Variants in FXYD3 observed in about 807,000 individuals in gnomAD.
FXYD3 encodes FXYD domain containing ion transport regulator 3.
In FXYD3, 13 loss-of-function variants were observed where a neutral mutation model predicts 19.2. The observed-to-expected ratio is 0.68, with a 90% CI of 0.44 to 1.08. FXYD3 has a LOEUF of 1.08. Among genes scored for constraint, FXYD3 ranks in the 50% least tolerant of loss-of-function variants. The pLI, the probability that FXYD3 is intolerant of heterozygous loss-of-function variation, is 0.00. For missense variants in FXYD3, 101 were observed against 109.4 expected, an observed-to-expected ratio of 0.92 and a Z score of 0.34; for synonymous variants, 48 against 38.9, an observed-to-expected ratio of 1.23 and a Z score of -0.87.
chr19:35,119,183 A>T (rs1272164770), intron 2 of FXYD3, 180 bp from the exon 3 acceptor site: 1 of 1,559,212 alleles, frequency 6.4e-7, no homozygotes, highest in Admixed American at 1.9e-5. Context: ...AGTTTCACCC[A>T]GTCCCCACTC....
At chr19:35,119,155 C>T (rs1467351925) in intron 2 of FXYD3, 3 of 1,546,168 alleles carry the variant, frequency 1.9e-6, no homozygotes, top group South Asian at 2.4e-5. Flanking sequence ...TATTATGGCT[C>T]CTCCCGCCTC....
chr19:35,123,237 G>A, intron 7 of FXYD3, 34 bp from the exon 8 acceptor site: 3 of 1,561,156 alleles, frequency 1.9e-6, no homozygotes, highest in Non-Finnish European at 1.7e-6. Flanking sequence ...GCAAATGGGG[G>A]CGGACACCAA....
intron 3 of FXYD3, among the ~76,000 whole-genome samples, 155 bp from the exon 4 acceptor site, chr19:35,120,923 T>C (rs921626271): frequency 4.6e-5 from 7 of 152,226 alleles, no homozygotes; most frequent in Non-Finnish European, 1.0e-4. Flanking sequence ...CATTTCCTCG[T>C]TGGGATATGA....
intron 3 of FXYD3, chr19:35,119,744 C>T: frequency 2.5e-6 from 1 of 401,218 alleles, no homozygotes; most frequent in Non-Finnish European, 4.6e-6. Context: ...AATCACAGTT[C>T]ACTACAGCCT....
At chr19:35,116,681 G>A in intron 2 of FXYD3, 5 of 985,280 alleles carry the variant, frequency 5.1e-6, no homozygotes, top group Non-Finnish European at 6.0e-6. Context: ...AGGAGAGGGG[G>A]TGCCTGGGTA....
Position 35,121,402 on chromosome 19 carries a change from G to A in FXYD3, c.97+157G>A, listed in dbSNP as rs1299028749. On this transcript the variant is annotated intron_variant, in intron 5 of 8. Transcript: ENST00000604404. ...TGAATATGCCACACAGTGGATTAAA[G>A]GAACTAGAGGCAGCAACCTGGCCTT... The A allele has an allele frequency of 1.0e-5, 16 of 1,569,112 alleles. No individual in the cohort carries two copies. In the East Asian group the frequency reaches 3.2e-4, roughly 32 times the overall value.
At chr19:35,119,215 C>G (rs1391612670) in intron 2 of FXYD3, 148 bp from the exon 3 acceptor site, 40 of 1,593,446 alleles carry the variant, frequency 2.5e-5, no homozygotes, top group Non-Finnish European at 3.3e-5. Flanking sequence ...TGCGGCTTAT[C>G]TCTCAGCCCA....
chr19:35,116,378 T>G lies in FXYD3; in HGVS notation c.-15+19T>G. 1 of 985,506 alleles carries G rather than the reference T, an allele frequency of 1.0e-6. No individual in the cohort carries two copies. Among genetic ancestry groups the G allele is most frequent in the Non-Finnish European group, 1.2e-6 (1 of 829,982 alleles). The allele number at this position is 985,506 out of a possible 1,614,324, so 61.0% of individuals were successfully genotyped here. A position where few individuals can be genotyped will look rare whatever the true frequency, so the allele number is the denominator to read the frequency against. On this transcript the variant is annotated intron_variant, in intron 2 of 8. Coordinates refer to ENST00000604404, the MANE Select transcript of FXYD3 (RefSeq NM_005971.4). ...CACACAGGTGAGCAGCTGGGGCCCC[T>G]TCCTCCAAGCCCTCCTTGTCTCTGC... is the stretch of plus-strand genomic sequence containing the variant.
intron 3 of FXYD3, 28 bp downstream of exon 3, chr19:35,119,444 T>G (rs1329875623): frequency 4.4e-6 from 7 of 1,605,616 alleles, no homozygotes; most frequent in Non-Finnish European, 5.1e-6. Flanking sequence ...GTCTGCCTTT[T>G]CCTCTGGATC....
At chr19:35,121,382 A>T in intron 5 of FXYD3, 137 bp downstream of exon 5, 1 of 1,600,932 alleles carries the variant, frequency 6.2e-7, no homozygotes, top group Non-Finnish European at 8.5e-7. Context: ...GTTACTGAAT[A>T]TGCCACACAG....
chr19:35,117,242 G>C, intron 2 of FXYD3: 1 of 1,479,314 alleles, frequency 6.8e-7, no homozygotes, highest in Non-Finnish European at 8.9e-7. Flanking sequence ...CATGGGACTG[G>C]ACGTTGTTTT....
intron 3 of FXYD3, 94 bp downstream of exon 3, chr19:35,119,510 G>T: frequency 8.6e-7 from 1 of 1,169,258 alleles, no homozygotes; most frequent in Non-Finnish European, 1.3e-6. Flanking sequence ...TACCTCCCCG[G>T]GAAGGTGGTA....
At chr19:35,116,506 A>G in intron 2 of FXYD3, 147 bp downstream of exon 2, 18 of 985,518 alleles carry the variant, frequency 1.8e-5, no homozygotes, top group Non-Finnish European at 2.2e-5. Context: ...GAGCCAGGAG[A>G]TAAACGGAAG....
Position 35,119,657 on chromosome 19 carries a change from TTTTTTGTTTTTG to T in FXYD3, c.40+266_40+277del, listed in dbSNP as rs542983666. The stretch of plus-strand genomic sequence containing the variant: ...CTCGATCTCTTCTTTTTTTTTGGCT[TTTTTTGTTTTTG>T]TTTTTGTTTTTGTTTTTGTTTTTGA... On this transcript the variant is annotated intron_variant, in intron 3 of 8. Transcript: ENST00000604404. 3.7e-5 allele frequency: 17 copies of T among 463,758 alleles called. 1 individual carries two copies. Among genetic ancestry groups the T allele is most frequent in the African/African-American group, 5.8e-5 (2 of 34,504 alleles). The allele number at this position is 463,758 out of a possible 1,614,324, so 28.7% of individuals were successfully genotyped here. A position where few individuals can be genotyped will look rare whatever the true frequency, so the allele number is the denominator to read the frequency against.
Position 35,119,424 on chromosome 19 carries a change from C to T in FXYD3, c.40+8C>T, listed in dbSNP as rs1333034039. ...TGCTTGTGTTCCTGGCAGGTGAGTA[C>T]CCATCCCCCGTCTGCCTTTTCCTCT... On this transcript the variant is annotated splice_region_variant and intron_variant, in intron 3 of 8. Coordinates refer to ENST00000604404, the MANE Select transcript of FXYD3 (RefSeq NM_005971.4). 5 of 1,613,050 alleles carry T rather than the reference C, an allele frequency of 3.1e-6. No individual in the cohort carries two copies. Among genetic ancestry groups the T allele is most frequent in the Admixed American group, 3.3e-5 (2 of 60,030 alleles).
chr19:35,123,763 G>T lies in FXYD3; in HGVS notation c.*306G>T. 4.1e-6 allele frequency: 2 copies of T among 492,762 alleles called. No individual in the cohort carries two copies. Among genetic ancestry groups the T allele is most frequent in the South Asian group, 4.8e-5 (2 of 41,964 alleles). The allele number at this position is 492,762 out of a possible 1,614,324, so 30.5% of individuals were successfully genotyped here. A position where few individuals can be genotyped will look rare whatever the true frequency, so the allele number is the denominator to read the frequency against. On this transcript the variant is annotated 3_prime_UTR_variant, in exon 9 of 9. Transcript: ENST00000604404. Reference sequence around the variant, plus strand: ...ACAGAGGCTGGCACTGAGCCTGCTTGTTGGGAAAAGCCCACAGGCCTGTTC... The same window carrying T: ...ACAGAGGCTGGCACTGAGCCTGCTTTTTGGGAAAAGCCCACAGGCCTGTTC...
chr19:35,118,618 C>A, intron 2 of FXYD3: 1 of 992,834 alleles, frequency 1.0e-6, no homozygotes, highest in African/African-American at 1.7e-5. Flanking sequence ...AGGGGCTGGG[C>A]TGGGGACCCC....
At chr19:35,123,371 T>C in intron 8 of FXYD3, 63 bp downstream of exon 8, 1 of 1,583,342 alleles carries the variant, frequency 6.3e-7, no homozygotes, top group Non-Finnish European at 8.6e-7. Context: ...TGTGTGTATG[T>C]GTGTGTTTGC....
chr19:35,117,641 A>C (rs1551550), intron 2 of FXYD3, among the ~76,000 whole-genome samples: 150,715 of 150,956 alleles, frequency 1, 75,241 homozygotes, highest in Middle Eastern at 1. Flanking sequence ...CCCCTATCCA[A>C]CATGCCATCC....
Sources: allele counts gnomAD v4.1 joint callset (sites outside exome capture counted in the v4.1 genomes callset), GRCh38; gene constraint gnomAD v4.1.1; transcripts MANE v1.5; gene names NCBI Gene and HGNC (gene_info 2026-07-23, HGNC 2026-07-21).